The following TYW1B variants were observed in gnomAD, a reference collection of about 807,000 sequenced individuals.
The protein encoded by TYW1B is tRNA-yW synthesizing protein 1 homolog B.
TYW1B carries 73 observed loss-of-function variants against 86.9 expected under a neutral mutation model. That is an observed-to-expected ratio of 0.84 (90% confidence interval 0.70 to 1.02). The LOEUF is 1.02. Among genes scored for constraint, TYW1B ranks in the 50% least tolerant of loss-of-function variants. The pLI is 0.00. For synonymous variants in TYW1B, 248 were observed against 292.8 expected, an observed-to-expected ratio of 0.85 and a Z score of 1.56; for missense variants, 637 against 827.4, an observed-to-expected ratio of 0.77 and a Z score of 2.82.
chr7:72,813,135 G>A (rs529292693), intron 3 of TYW1B, among the ~76,000 whole-genome samples: 3 of 150,512 alleles, frequency 2.0e-5, no homozygotes, highest in East Asian at 2.0e-4. Context: ...GGCCCTTTAC[G>A]TGAAAGTTTG....
chr7:72,820,917 G>A (rs569563074), intron 2 of TYW1B, among the ~76,000 whole-genome samples: 1 of 152,296 alleles, frequency 6.6e-6, no homozygotes, highest in Non-Finnish European at 1.5e-5. Context: ...TTACTTATGC[G>A]AAAATATCCC....
chr7:72,606,730 T>C (rs144513002), intron 13 of TYW1B, among the ~76,000 whole-genome samples: 1,809 of 150,270 alleles, frequency 0.012, 59 homozygotes, highest in African/African-American at 0.024. Flanking sequence ...AATTTCTGCC[T>C]CTACTTGGCA....
At chr7:72,738,798 T>C (rs1433265201) in intron 8 of TYW1B, among the ~76,000 whole-genome samples, 1 of 152,112 alleles carries the variant, frequency 6.6e-6, no homozygotes, top group Non-Finnish European at 1.5e-5. Flanking sequence ...GAATATGGTA[T>C]AGTAGCCCAC....
intron 11 of TYW1B, among the ~76,000 whole-genome samples, chr7:72,678,217 T>A (rs1411382568): frequency 2.0e-5 from 3 of 151,996 alleles, no homozygotes. Flanking sequence ...TAAAAACCAA[T>A]AACATGCAAG....
chr7:72,800,196 A>G (rs1450780827), intron 6 of TYW1B, among the ~76,000 whole-genome samples: 1 of 150,542 alleles, frequency 6.6e-6, no homozygotes, highest in East Asian at 1.9e-4. Context: ...CAGATGTTTC[A>G]CATCTTTTTT....
At chr7:72,656,502 G>A (rs1329627851) in intron 11 of TYW1B, among the ~76,000 whole-genome samples, 2 of 152,074 alleles carry the variant, frequency 1.3e-5, no homozygotes, top group African/African-American at 4.8e-5. Context: ...CAGCACTTTG[G>A]GAAGCTGAGG....
intron 11 of TYW1B, among the ~76,000 whole-genome samples, chr7:72,648,268 C>A (rs1554442316): frequency 6.6e-6 from 1 of 152,026 alleles, no homozygotes; most frequent in African/African-American, 2.4e-5. Flanking sequence ...CTCTGCCAGG[C>A]GTGGTGGTTT....
At chr7:72,707,160 C>T (rs1437723752) in intron 10 of TYW1B, among the ~76,000 whole-genome samples, 1 of 152,238 alleles carries the variant, frequency 6.6e-6, no homozygotes, top group Non-Finnish European at 1.5e-5. Context: ...ACTTGAAGCT[C>T]CGCTGTGTGA....
At chr7:72,581,825 T>C (rs537583658) in intron 13 of TYW1B, among the ~76,000 whole-genome samples, 42 of 152,104 alleles carry the variant, frequency 2.8e-4, no homozygotes, top group Admixed American at 7.9e-4. Flanking sequence ...TGGAGTGCAA[T>C]GGCATGATCT....
At chr7:72,757,310 GT>G (rs1787608605) in intron 7 of TYW1B, among the ~76,000 whole-genome samples, 1 of 150,276 alleles carries the variant, frequency 6.7e-6, no homozygotes, top group African/African-American at 2.4e-5. Flanking sequence ...GGAGGTTGCA[GT>G]GAGCCAAGAT....
intron 11 of TYW1B, among the ~76,000 whole-genome samples, chr7:72,685,075 G>C (rs572313053): frequency 6.8e-6 from 1 of 146,412 alleles, no homozygotes; most frequent in South Asian, 2.1e-4. Context: ...TCAGGCCACT[G>C]AACTCCAGCC....
intron 8 of TYW1B, among the ~76,000 whole-genome samples, chr7:72,732,769 A>C (rs1325670265): frequency 2.0e-5 from 3 of 152,088 alleles, no homozygotes; most frequent in African/African-American, 7.2e-5. Flanking sequence ...ATCAGAGCAA[A>C]AATAAATGAA....
intron 13 of TYW1B, among the ~76,000 whole-genome samples, chr7:72,593,625 A>G (rs1413269445): frequency 1.3e-5 from 2 of 152,004 alleles, no homozygotes; most frequent in Admixed American, 1.3e-4. Flanking sequence ...GATCGAGACC[A>G]TCCTGGCTAA....
Position 72,613,497 on chromosome 7 carries a change from T to C in TYW1B, c.1785+3175A>G, listed in dbSNP as rs1811988784. 3.1e-5 allele frequency among the ~76,000 whole-genome samples: 4 copies of C among 128,094 alleles called. No homozygotes were observed. In the South Asian group the frequency reaches 1.1e-3, roughly 36 times the overall value. The allele number at this position is 128,094 out of a possible 152,430, so 84.0% of individuals were successfully genotyped here. ...GGCTTGACTCACTGCAACCTCCACCTCCCGGGTTCAAGAGATTCTCCTGCC... is the reference window on the plus strand; with the variant it reads ...GGCTTGACTCACTGCAACCTCCACCCCCCGGGTTCAAGAGATTCTCCTGCC... On this transcript the variant is annotated intron_variant, in intron 13 of 13. Transcript: ENST00000620995.
intron 6 of TYW1B, among the ~76,000 whole-genome samples, chr7:72,788,047 G>A (rs1391277067): frequency 3.3e-5 from 5 of 151,678 alleles, no homozygotes; most frequent in Non-Finnish European, 5.9e-5. Flanking sequence ...GCACGATCTC[G>A]GCTCACTGCA....
intron 11 of TYW1B, among the ~76,000 whole-genome samples, chr7:72,688,165 T>A (rs2129570118): frequency 6.6e-6 from 1 of 152,374 alleles, no homozygotes; most frequent in Admixed American, 6.5e-5. Flanking sequence ...AGTAACTGTT[T>A]ACCTTTGAAT....
intron 6 of TYW1B, among the ~76,000 whole-genome samples, chr7:72,783,866 CTT>C (rs1425167528): frequency 1.3e-5 from 2 of 152,178 alleles, no homozygotes; most frequent in Non-Finnish European, 2.9e-5. Flanking sequence ...GATATCACCT[CTT>C]GTTTCTAGGT....
chr7:72,702,198 G>C (rs1348205941), intron 10 of TYW1B, among the ~76,000 whole-genome samples: 1 of 152,026 alleles, frequency 6.6e-6, no homozygotes, highest in Non-Finnish European at 1.5e-5. Flanking sequence ...AAGGCTTTTT[G>C]CACCAGACAA....
chr7:72,653,254 C>G (rs1813107366), intron 11 of TYW1B, among the ~76,000 whole-genome samples: 1 of 152,144 alleles, frequency 6.6e-6, no homozygotes, highest in South Asian at 2.1e-4. Flanking sequence ...ATTACATTAA[C>G]AAACTTCTAG....
Sources: allele counts gnomAD v4.1 joint callset (sites outside exome capture counted in the v4.1 genomes callset), GRCh38; gene constraint gnomAD v4.1.1; transcripts MANE v1.5; gene names NCBI Gene and HGNC (gene_info 2026-07-23, HGNC 2026-07-21).